Variants in C4orf50 observed in about 807,000 individuals in gnomAD.
C4orf50 encodes the protein chromosome 4 open reading frame 50.
A neutral mutation model predicts 77.2 loss-of-function variants in C4orf50; 80 were observed. The ratio of observed to expected loss-of-function variants is 1.04; its 90% CI spans 0.87 to 1.25. The LOEUF (loss-of-function observed/expected upper bound fraction) is 1.25, where lower values mean the gene tolerates loss of function less well. Ranked by LOEUF, C4orf50 falls within the 50% of genes most tolerant of loss-of-function variation. C4orf50 has a pLI of 0.00. For missense variants in C4orf50, 1,257 were observed against 1,152.9 expected (o/e 1.09, Z -1.31); for synonymous variants, 532 against 465.3 (o/e 1.14, Z -1.84).
Position 5,970,092 on chromosome 4 carries a change from A to G in C4orf50, c.4105-2630T>C. Among the ~76,000 whole-genome samples the G allele has an allele frequency of 6.6e-6, 1 of 151,768 alleles. No individual in the cohort carries two copies. Among genetic ancestry groups the G allele is most frequent in the Admixed American group, 6.6e-5 (1 of 15,232 alleles). ...CGATGTAACTGAATACAAACAGCAA[A>G]GGTGTCTCATTTCATGCTTGTGAAT... On this transcript the variant is annotated intron_variant, in intron 31 of 33. Coordinates refer to ENST00000531445, the Ensembl canonical transcript of C4orf50. The surrounding 1 kb of genome is among the most constrained non-coding windows in gnomAD (Gnocchi z 4.3).
intron 28 of C4orf50, among the ~76,000 whole-genome samples, chr4:5,981,714 A>G (rs1488568430): frequency 6.6e-6 from 1 of 152,144 alleles, no homozygotes; most frequent in Non-Finnish European, 1.5e-5. Context: ...CGACATGAGC[A>G]TCTTTAAGCT....
chr4:5,912,603 G>A (rs1205676593), intron 7 of C4orf50, among the ~76,000 whole-genome samples: 1 of 152,144 alleles, frequency 6.6e-6, no homozygotes, highest in African/African-American at 2.4e-5. Flanking sequence ...TAATGTGACA[G>A]ACATAGAGAC....
At chr4:5,911,344 C>A (rs551967900) in intron 7 of C4orf50, among the ~76,000 whole-genome samples, 1 of 152,178 alleles carries the variant, frequency 6.6e-6, no homozygotes, top group Admixed American at 6.5e-5. Flanking sequence ...ACCAGCTGTG[C>A]CAGGGAAGTC....
At chr4:5,948,452 G>A (rs1718577304) in intron 7 of C4orf50, among the ~76,000 whole-genome samples, 1 of 152,030 alleles carries the variant, frequency 6.6e-6, no homozygotes, top group African/African-American at 2.4e-5. Context: ...GTCACCTGAG[G>A]TCAGGAGATC....
At chr4:5,994,830 G>T (rs1385252575) in intron 25 of C4orf50, among the ~76,000 whole-genome samples, 1 of 152,214 alleles carries the variant, frequency 6.6e-6, no homozygotes, top group African/African-American at 2.4e-5. Flanking sequence ...GACCTGGGCC[G>T]TACAGCAGGA....
At chr4:5,965,321 C>T (rs1331713060) in intron 32 of C4orf50, among the ~76,000 whole-genome samples, 176 bp from the exon 11 acceptor site, 2 of 152,210 alleles carry the variant, frequency 1.3e-5, no homozygotes, top group African/African-American at 4.8e-5. Flanking sequence ...AAGGACCTCA[C>T]CCATACGCCT....
At chr4:5,915,210 T>C (rs1716981083) in intron 7 of C4orf50, among the ~76,000 whole-genome samples, 1 of 152,200 alleles carries the variant, frequency 6.6e-6, no homozygotes, top group Non-Finnish European at 1.5e-5. Context: ...CAGTGGTCCC[T>C]AGGGCCATGC....
At position 6,003,684 on chromosome 4, in the gene C4orf50, T is replaced by C. The variant is rs563335130; in HGVS notation, c.963+4312A>G. 1.2e-4 allele frequency among the ~76,000 whole-genome samples: 17 copies of C among 140,566 alleles called. No individual in the cohort carries two copies. The South Asian group carries it at 3.9e-3, about 33-fold the overall frequency. 92.2% of individuals were successfully genotyped at this position (140,566 alleles called of 152,430 possible). A position where few individuals can be genotyped will look rare whatever the true frequency, so the allele number is the denominator to read the frequency against. The stretch of plus-strand genomic sequence containing the variant: ...ATGATGGTGATGGTGATGATAGTGA[T>C]GATGGTGATGATAGTGATGGTGATG... On this transcript the variant is annotated intron_variant, in intron 25 of 33. Coordinates refer to ENST00000531445, the Ensembl canonical transcript of C4orf50.
chr4:6,004,338 G>T (rs1722116690), intron 25 of C4orf50, among the ~76,000 whole-genome samples: 1 of 127,138 alleles, frequency 7.9e-6, no homozygotes, highest in Non-Finnish European at 1.6e-5. Flanking sequence ...TGATGATGGT[G>T]ATGGTGATGA....
intron 7 of C4orf50, among the ~76,000 whole-genome samples, chr4:5,927,783 T>C (rs949603239): frequency 6.6e-6 from 1 of 152,150 alleles, no homozygotes; most frequent in Non-Finnish European, 1.5e-5. Flanking sequence ...AGTTACCCAG[T>C]CTCAGGTAGT....
intron 29 of C4orf50, 101 bp downstream of exon 7, chr4:5,980,073 G>T: frequency 3.2e-6 from 3 of 935,330 alleles, no homozygotes; most frequent in Admixed American, 2.9e-5. Flanking sequence ...CTCCCAACTG[G>T]CTGGGTCAAG....
At chr4:5,956,639 C>A (rs1577929622), downstream of C4orf50, 1 of 78,016 alleles carries the variant, frequency 1.3e-5, no homozygotes, top group Non-Finnish European at 3.2e-5. Context: ...CCAACCCTCT[C>A]CTCTGATTTG....
chr4:5,952,833 G>A (rs1019993855), downstream of C4orf50, among the ~76,000 whole-genome samples: 3 of 152,114 alleles, frequency 2.0e-5, no homozygotes, highest in Non-Finnish European at 4.4e-5. The surrounding 1 kb of genome is among the most constrained non-coding windows in gnomAD (Gnocchi z 4.4). Context: ...CGACACTCCC[G>A]CCTCCAAGAA....
rs1045535861 is a variant in C4orf50 at position 5,932,208 on chromosome 4, T to C, written c.*2474+24693A>G. Among the ~76,000 whole-genome samples, 5 of 152,138 alleles carry C rather than the reference T, an allele frequency of 3.3e-5. No homozygotes were observed. The highest frequency in any genetic ancestry group is 1.2e-4 in the African/African-American group (5 of 41,450). On this transcript the variant is annotated intron_variant, in intron 7 of 7. Coordinates refer to the C4orf50 transcript ENST00000324058. This position sits in a 1 kb window ranked among gnomAD's most constrained non-coding sequence, Gnocchi z 4.2. Reference sequence around the variant, plus strand: ...GGCAGGTGAACCATGCACACAGTTCTTGGCTGAATGCCCCACAGAGCAGAA... The same window carrying C: ...GGCAGGTGAACCATGCACACAGTTCCTGGCTGAATGCCCCACAGAGCAGAA...
chr4:5,931,726 C>T (rs10002154), intron 7 of C4orf50, among the ~76,000 whole-genome samples: 53,978 of 152,000 alleles, frequency 0.36, 11,747 homozygotes, highest in East Asian at 0.78. Context: ...GCTCTGCCTC[C>T]TCCAGGAAGG....
At chr4:5,947,962 C>T (rs1460919266) in intron 7 of C4orf50, among the ~76,000 whole-genome samples, 1 of 152,212 alleles carries the variant, frequency 6.6e-6, no homozygotes, top group Non-Finnish European at 1.5e-5. Flanking sequence ...AGGCACTCCT[C>T]ACTTCCAGGA....
intron 7 of C4orf50, among the ~76,000 whole-genome samples, chr4:5,907,056 G>T (rs1716579831): frequency 6.6e-6 from 1 of 152,156 alleles, no homozygotes; most frequent in African/African-American, 2.4e-5. Context: ...AAGCTGGGGG[G>T]ACTCTTATGT....
In C4orf50 at chr4:5,970,621, G is replaced by A. The variant is rs1053976429; in HGVS notation, c.4104+3038C>T. On this transcript the variant is annotated intron_variant, in intron 31 of 33. Transcript: ENST00000531445. This position sits in a 1 kb window ranked among gnomAD's most constrained non-coding sequence, Gnocchi z 4.3. ...GGCACTGGGGCCAAACCGACTCTGA[G>A]GCTCAATTTCCACCACGCACCCAAA... Among the ~76,000 whole-genome samples the A allele has an allele frequency of 6.6e-6, 1 of 152,198 alleles. No individual in the cohort carries two copies. The highest frequency in any genetic ancestry group is 2.4e-5 in the African/African-American group (1 of 41,452).
intron 25 of C4orf50, among the ~76,000 whole-genome samples, chr4:6,005,446 C>T (rs1336359003): frequency 6.6e-6 from 1 of 151,978 alleles, no homozygotes; most frequent in Non-Finnish European, 1.5e-5. Context: ...AGCCAGGGAG[C>T]TTATGGCATA....
Sources: gnomAD v4.1 joint callset for allele counts (sites outside exome capture counted in the v4.1 genomes callset) on GRCh38, gnomAD v4.1.1 for gene constraint, Gnocchi (gnomAD v3.1) non-coding constraint, MANE v1.5 for transcripts, NCBI Gene and HGNC (gene_info 2026-07-23, HGNC 2026-07-21) for gene names.